CAB39L: variants seen among roughly 807,000 people sequenced by gnomAD.
CAB39L encodes the protein calcium-binding protein 39-like.
In CAB39L, 23 loss-of-function variants were observed where a neutral mutation model predicts 39.1. That is an observed-to-expected ratio of 0.59 (90% CI 0.42 to 0.83). The LOEUF is 0.83. Ranked by LOEUF, CAB39L falls within the 40% of genes least tolerant of loss-of-function variation. The pLI, the probability that CAB39L is intolerant of heterozygous loss-of-function variation, is 0.00. For missense variants in CAB39L, 366 were observed against 391.9 expected, an observed-to-expected ratio of 0.93 and a Z score of 0.56; for synonymous variants, 126 against 137.2, an observed-to-expected ratio of 0.92 and a Z score of 0.57.
At position 49,376,960 on chromosome 13, in the gene CAB39L, G is replaced by A. The variant is rs1264361858; in HGVS notation, c.276+7C>T. ...GCACCACTGACATCCTTTTACAGCT[G>A]GCTTACCTCAAAGTCTATCAGCTGC... On this transcript the variant is annotated splice_region_variant and intron_variant, in intron 5 of 10. Coordinates refer to ENST00000409308, the MANE Select transcript of CAB39L (RefSeq NM_001079670.3). 3 of 1,591,764 alleles carry A rather than the reference G, an allele frequency of 1.9e-6. No homozygotes were observed. The highest frequency in any genetic ancestry group is 2.6e-6 in the Non-Finnish European group (3 of 1,167,858).
chr13:49,426,150 A>C (rs1392463521), intron 3 of CAB39L, among the ~76,000 whole-genome samples: 2 of 152,164 alleles, frequency 1.3e-5, no homozygotes, highest in Non-Finnish European at 2.9e-5. Context: ...TTCTGCTGAA[A>C]TGGCTGCAGG....
chr13:49,443,649 A>G (rs1274756242), intron 1 of CAB39L, among the ~76,000 whole-genome samples: 6 of 152,122 alleles, frequency 3.9e-5, no homozygotes, highest in Non-Finnish European at 5.9e-5. Flanking sequence ...AAAATTACTA[A>G]AAGAGCTCCC....
At chr13:49,311,797 CTG>C (rs1463713370) in intron 10 of CAB39L, among the ~76,000 whole-genome samples, 1 of 151,998 alleles carries the variant, frequency 6.6e-6, no homozygotes, top group Non-Finnish European at 1.5e-5. Context: ...TTGTTTTAAG[CTG>C]TGTTATTGCA....
rs972428070 is a variant in CAB39L at position 49,433,404 on chromosome 13, G to T, written c.-107-11C>A. ...TGATCACCACAGCTTCTGACAAAAA[G>T]AAAAGCTTTAAAATTAATTTTTAAA... is the stretch of plus-strand genomic sequence containing the variant. On this transcript the variant is annotated splice_polypyrimidine_tract_variant and intron_variant, in intron 2 of 10. Transcript: ENST00000409308. The T allele has an allele frequency of 2.2e-6, 1 of 449,668 alleles. No homozygotes were observed. Among genetic ancestry groups the T allele is most frequent in the East Asian group, 7.0e-5 (1 of 14,340 alleles). The allele number at this position is 449,668 out of a possible 1,614,324, so 27.9% of individuals were successfully genotyped here.
intron 7 of CAB39L, among the ~76,000 whole-genome samples, chr13:49,349,544 T>C (rs1483529321): frequency 1.3e-5 from 2 of 151,270 alleles, no homozygotes; most frequent in South Asian, 2.1e-4. Context: ...TGCTGTTACA[T>C]TGTCAGTCTA....
At chr13:49,376,931 A>T in intron 5 of CAB39L, 36 bp downstream of exon 5, 1 of 1,540,484 alleles carries the variant, frequency 6.5e-7, no homozygotes, top group Non-Finnish European at 8.8e-7. Context: ...ATTAAAATTG[A>T]AAAGCACCAC....
At chr13:49,340,577 A>C (rs1443190453) in intron 8 of CAB39L, among the ~76,000 whole-genome samples, 1 of 152,266 alleles carries the variant, frequency 6.6e-6, no homozygotes, top group Non-Finnish European at 1.5e-5. Context: ...GGTGTAGCTC[A>C]CATTAAAATC....
intron 3 of CAB39L, among the ~76,000 whole-genome samples, chr13:49,387,183 C>T (rs1956384783): frequency 6.6e-6 from 1 of 152,176 alleles, no homozygotes; most frequent in African/African-American, 2.4e-5. Flanking sequence ...AGGTTATTCA[C>T]CACTGTCCCA....
intron 4 of CAB39L, among the ~76,000 whole-genome samples, chr13:49,378,102 A>C (rs1470818061): frequency 4.2e-5 from 3 of 71,782 alleles, no homozygotes; most frequent in Non-Finnish European, 8.3e-5. Context: ...AGAAGTGAGG[A>C]GACCCTCTGC....
intron 9 of CAB39L, among the ~76,000 whole-genome samples, chr13:49,333,199 G>A (rs934291270): frequency 1.3e-5 from 2 of 152,130 alleles, no homozygotes; most frequent in Admixed American, 6.5e-5. Context: ...GTTGGATGTT[G>A]GCTGGTCACT....
intron 1 of CAB39L, among the ~76,000 whole-genome samples, chr13:49,435,768 T>G (rs960856918): frequency 2.6e-5 from 4 of 152,218 alleles, no homozygotes; most frequent in Non-Finnish European, 4.4e-5. Flanking sequence ...CCCAAAGTGC[T>G]AGGGTTATAG....
chr13:49,349,364 G>A (rs1379622168), intron 7 of CAB39L, among the ~76,000 whole-genome samples: 2 of 150,688 alleles, frequency 1.3e-5, no homozygotes, highest in Admixed American at 1.3e-4. Context: ...AGTTACATAC[G>A]TATATCCTGA....
At chr13:49,396,839 T>C (rs1226299248) in intron 3 of CAB39L, among the ~76,000 whole-genome samples, 1 of 152,226 alleles carries the variant, frequency 6.6e-6, no homozygotes, top group Non-Finnish European at 1.5e-5. Context: ...AAGATTCATT[T>C]TTTAAAATTA....
At chr13:49,335,353 C>T (rs918821173) in intron 9 of CAB39L, among the ~76,000 whole-genome samples, 1 of 152,156 alleles carries the variant, frequency 6.6e-6, no homozygotes, top group Admixed American at 6.5e-5. Context: ...GGGATACCTA[C>T]ATATAAATTC....
intron 6 of CAB39L, 91 bp from the exon 7 acceptor site, chr13:49,351,003 T>C (rs1955332504): frequency 6.6e-6 from 6 of 904,984 alleles, no homozygotes; most frequent in Non-Finnish European, 9.6e-6. Flanking sequence ...ATACTGCTAT[T>C]AATGGAAGCA....
At chr13:49,333,568 C>CTTTTT (rs796079933) in intron 9 of CAB39L, among the ~76,000 whole-genome samples, 57 of 111,886 alleles carry the variant, frequency 5.1e-4, no homozygotes, top group African/African-American at 6.6e-4. Context: ...TTCTTTCTTT[C>CTTTTT]TTTTTTTTTT....
At chr13:49,440,692 C>T (rs1957498148) in intron 1 of CAB39L, among the ~76,000 whole-genome samples, 1 of 148,914 alleles carries the variant, frequency 6.7e-6, no homozygotes, top group South Asian at 2.1e-4. Flanking sequence ...CTTTCACTTC[C>T]TTGGTTAGAG....
At chr13:49,359,658 C>A in intron 6 of CAB39L, 56 bp downstream of exon 6, 1 of 865,156 alleles carries the variant, frequency 1.2e-6, no homozygotes, top group Non-Finnish European at 1.9e-6. Flanking sequence ...TAATGCTATG[C>A]ACTTTTAACA....
chr13:49,333,868 G>C (rs1024338123), intron 9 of CAB39L, among the ~76,000 whole-genome samples: 26 of 151,630 alleles, frequency 1.7e-4, no homozygotes, highest in African/African-American at 6.3e-4. Context: ...CACCACACCC[G>C]GCCTCTAGAC....
Sources: allele counts gnomAD v4.1 joint callset (sites outside exome capture counted in the v4.1 genomes callset), GRCh38; gene constraint gnomAD v4.1.1; transcripts MANE v1.5; gene names NCBI Gene and HGNC (gene_info 2026-07-23, HGNC 2026-07-21).